Variants in PLPP1 observed in about 807,000 individuals in gnomAD.
PLPP1 encodes phospholipid phosphatase 1, also known as lipid phosphate phosphohydrolase 1a.
A neutral mutation model predicts 31.2 loss-of-function variants in PLPP1; 24 were observed. That is an observed-to-expected ratio of 0.77 (90% CI 0.56 to 1.08). The LOEUF (loss-of-function observed/expected upper bound fraction) is 1.08. Ranked by LOEUF, PLPP1 falls within the 50% of genes least tolerant of loss-of-function variation. PLPP1 has a pLI of 0.00. For missense variants in PLPP1, 319 were observed against 342.7 expected, an observed-to-expected ratio of 0.93 and a Z score of 0.55; for synonymous variants, 146 against 126.3, an observed-to-expected ratio of 1.16 and a Z score of -1.05.
At chr5:55,447,643 T>C (rs1751797204) in intron 3 of PLPP1, among the ~76,000 whole-genome samples, 1 of 152,206 alleles carries the variant, frequency 6.6e-6, no homozygotes. Context: ...GATTTCACTC[T>C]TGTCAATGGT....
In PLPP1 at chr5:55,526,136, G is replaced by C. The variant is rs1740426795; in HGVS notation, c.58+8436C>G. Among the ~76,000 whole-genome samples the C allele has an allele frequency of 1.3e-5, 2 of 151,118 alleles. 1 individual carries two copies. The highest frequency in any genetic ancestry group is 4.2e-4 in the South Asian group (2 of 4,798). ...TTAACCTTAAATTTCTTAACCAAAA[G>C]AATCAGAATAATTCCCCAAACTGAG... On this transcript the variant is annotated intron_variant, in intron 1 of 5. Transcript: ENST00000307259.
chr5:55,505,849 G>A (rs551310325), intron 1 of PLPP1, among the ~76,000 whole-genome samples: 61 of 152,298 alleles, frequency 4.0e-4, no homozygotes, highest in African/African-American at 1.3e-3. Context: ...TTGAGGTCAG[G>A]TGTTCAAGAC....
chr5:55,439,868 G>A lies in PLPP1; in HGVS notation c.549+1983C>T, dbSNP rs192658107. ...AACAGTGGGTCAAAGTTATGTGTCA[G>A]TCACTTCCAGAATGCCATTTTACTT... On this transcript the variant is annotated intron_variant, in intron 4 of 5. Coordinates refer to ENST00000307259, the MANE Select transcript of PLPP1 (RefSeq NM_003711.4). Among the ~76,000 whole-genome samples the A allele has an allele frequency of 2.9e-4, 44 of 152,272 alleles. 1 individual carries two copies. The highest frequency in any genetic ancestry group is 7.4e-5 in the Non-Finnish European group (5 of 68,010).
chr5:55,488,230 T>G (rs1427957780), intron 1 of PLPP1, among the ~76,000 whole-genome samples: 1 of 151,580 alleles, frequency 6.6e-6, no homozygotes, highest in Non-Finnish European at 1.5e-5. Flanking sequence ...AATTTAGCCC[T>G]ATTGCTATTT....
intron 4 of PLPP1, among the ~76,000 whole-genome samples, chr5:55,433,874 C>T (rs912680787): frequency 6.6e-5 from 10 of 151,886 alleles, no homozygotes; most frequent in African/African-American, 9.7e-5. Flanking sequence ...TTGTGGCTTA[C>T]GCCTGTAATC....
chr5:55,468,218 G>A, intron 2 of PLPP1, 69 bp from the exon 3 acceptor site: 2 of 1,358,882 alleles, frequency 1.5e-6, no homozygotes, highest in Non-Finnish European at 2.0e-6. Flanking sequence ...CAAAACATAG[G>A]GGGAAAAAAG....
At chr5:55,469,950 C>T (rs1752383225) in intron 2 of PLPP1, among the ~76,000 whole-genome samples, 2 of 152,178 alleles carry the variant, frequency 1.3e-5, no homozygotes, top group African/African-American at 4.8e-5. Flanking sequence ...GTGAAAGGTG[C>T]TGCCTTGGGT....
intron 1 of PLPP1, chr5:55,490,896 C>A: frequency 1.3e-6 from 2 of 1,508,238 alleles, no homozygotes; most frequent in South Asian, 2.5e-5. Flanking sequence ...CCCGCCCCAA[C>A]TCCATGCTTC....
intron 3 of PLPP1, among the ~76,000 whole-genome samples, chr5:55,443,210 T>TACAC (rs1418898370): frequency 1.1e-4 from 13 of 116,546 alleles, no homozygotes; most frequent in South Asian, 2.9e-4. Flanking sequence ...TATATATATA[T>TACAC]ATACACACAC....
intron 3 of PLPP1, among the ~76,000 whole-genome samples, chr5:55,466,417 T>TA (rs1271617587): frequency 6.6e-6 from 1 of 152,054 alleles, no homozygotes; most frequent in Non-Finnish European, 1.5e-5. Flanking sequence ...AAATTGAAGC[T>TA]ACTGGCCGGG....
intron 1 of PLPP1, among the ~76,000 whole-genome samples, chr5:55,530,948 G>GCCGAGGTGACGGTGACGGC (rs1554043000): frequency 1.3e-5 from 2 of 152,188 alleles, no homozygotes; most frequent in Non-Finnish European, 2.9e-5. Flanking sequence ...AGCGGCAGCG[G>GCCGAGGTGACGGTGACGGC]CCGAGGTGAC....
intron 1 of PLPP1, among the ~76,000 whole-genome samples, chr5:55,512,468 CAAA>C (rs370927824): frequency 0.19 from 1,942 of 10,206 alleles, 104 homozygotes; most frequent in African/African-American, 0.29. Context: ...AAGACTGTCT[CAAA>C]AAAAAAAAAA....
rs1479300720 is a variant in PLPP1, at chr5:55,534,613, C to A, written c.17G>T (p.Arg6Leu). 1.3e-6 allele frequency: 2 copies of A among 1,558,458 alleles called. No individual in the cohort carries two copies. Among genetic ancestry groups the A allele is most frequent in the Non-Finnish European group, 8.7e-7 (1 of 1,154,232 alleles). Residue 6 changes from arginine to leucine, a missense_variant, in exon 1 of 6, where the codon CGG becomes CTG. Transcript: ENST00000307259. ...CACATCGAGGGCCACGTACGGCAGC[C>A]GCGTCTTGTCAAACATGGTCTCTGC... MFDKTRLPYVALDVLC... is the reference protein window; with the variant it reads MFDKTLLPYVALDVLC...
rs562014128 is a variant in PLPP1 at position 55,425,953 on chromosome 5, A to G, written c.636T>C (p.Tyr212=). The G allele has an allele frequency of 1.1e-4, 177 of 1,614,092 alleles. 4 individuals are homozygous for G. In the South Asian group the frequency reaches 1.8e-3, roughly 16 times the overall value. Residue 212 remains tyrosine (Y), a synonymous_variant, in exon 5 of 6, where the codon TAT becomes TAC. Coordinates refer to ENST00000307259, the MANE Select transcript of PLPP1 (RefSeq NM_003711.4). The part of the protein sequence containing the change: ...LQFGLVAVSI[Y]VGLSRVSDYK... ...AATCAGAAACTCGAGAAAGGCCCACATAAATGGATACGGCAACAAGACCAA... is the reference window on the plus strand; with the variant it reads ...AATCAGAAACTCGAGAAAGGCCCACGTAAATGGATACGGCAACAAGACCAA...
chr5:55,429,609 C>T (rs230740), intron 4 of PLPP1, among the ~76,000 whole-genome samples: 130,692 of 151,996 alleles, frequency 0.86, 56,579 homozygotes, highest in South Asian at 0.92. Flanking sequence ...CTCATCCCCC[C>T]GAGTCCTAAG....
intron 3 of PLPP1, among the ~76,000 whole-genome samples, chr5:55,458,213 A>G (rs1335768924): frequency 6.6e-6 from 1 of 152,210 alleles, no homozygotes; most frequent in Non-Finnish European, 1.5e-5. Context: ...GTCCATGCCT[A>G]TGTTACAAGA....
chr5:55,513,455 A>G (rs1753485124), intron 1 of PLPP1, among the ~76,000 whole-genome samples: 1 of 151,748 alleles, frequency 6.6e-6, no homozygotes. Flanking sequence ...TTTTTTTAGT[A>G]GAGACAGGGT....
At chr5:55,452,549 T>TA (rs1751915502) in intron 3 of PLPP1, among the ~76,000 whole-genome samples, 1 of 152,218 alleles carries the variant, frequency 6.6e-6, no homozygotes, top group Non-Finnish European at 1.5e-5. Flanking sequence ...ATACACTACT[T>TA]ACAGTTCCCA....
intron 3 of PLPP1, among the ~76,000 whole-genome samples, chr5:55,451,233 TAC>T (rs1000937282): frequency 2.5e-4 from 38 of 152,342 alleles, no homozygotes; most frequent in African/African-American, 8.7e-4. Flanking sequence ...CAGCCTGGGC[TAC>T]ACAGTGAGAC....
Sources: allele counts gnomAD v4.1 joint callset (sites outside exome capture counted in the v4.1 genomes callset), GRCh38; gene constraint gnomAD v4.1.1; transcripts MANE v1.5; gene names NCBI Gene and HGNC (gene_info 2026-07-23, HGNC 2026-07-21).